ARNT: variants seen among roughly 807,000 people sequenced by gnomAD.
ARNT encodes the protein class E basic helix-loop-helix protein 2.
Under a neutral mutation model 105.0 loss-of-function variants are expected in ARNT, and 30 were observed. The observed-to-expected ratio is 0.29, with a 90% CI of 0.21 to 0.39. The LOEUF is 0.39. ARNT is among the 10% of genes least tolerant of loss of function. The pLI, the probability that ARNT is intolerant of heterozygous loss-of-function variation, is 1.00. For synonymous variants in ARNT, 304 were observed against 344.0 expected, an observed-to-expected ratio of 0.88 and a Z score of 1.29; for missense variants, 748 against 978.7, an observed-to-expected ratio of 0.76 and a Z score of 3.15.
intron 13 of ARNT, among the ~76,000 whole-genome samples, chr1:150,824,414 A>AT (rs985515306): frequency 6.8e-6 from 1 of 147,178 alleles, no homozygotes. Flanking sequence ...CTTCAATCCT[A>AT]TTTTTTCCCC....
chr1:150,826,447 G>C, intron 13 of ARNT, 96 bp downstream of exon 13: 1 of 955,714 alleles, frequency 1.0e-6, no homozygotes, highest in South Asian at 1.5e-5. Context: ...ACATAAAACT[G>C]TAGTGCCTGC....
Position 150,816,288 on chromosome 1 carries a change from G to T in ARNT, c.1921C>A (p.Pro641Thr). The T allele has an allele frequency of 6.2e-7, 1 of 1,607,786 alleles. No individual in the cohort carries two copies. The highest frequency in any genetic ancestry group is 8.5e-7 in the Non-Finnish European group (1 of 1,178,194). ...PTQGATPTWTPTTRSGFSAQQ... is the reference protein window; with the variant it reads ...PTQGATPTWTTTTRSGFSAQQ... ...GCAGAAAAGCCTGAGCGGGTAGTAG[G>T]GGTCCAAGTTGGGGTTGCTCCTTGG... Residue 641 changes from proline to threonine, a missense_variant, in exon 19 of 22, where the codon CCT (proline) becomes ACT (threonine). Coordinates refer to ENST00000358595, the MANE Select transcript of ARNT (RefSeq NM_001668.4).
chr1:150,830,114 T>G, intron 10 of ARNT, 134 bp from the exon 11 acceptor site: 1 of 924,152 alleles, frequency 1.1e-6, no homozygotes, highest in South Asian at 1.6e-5. Context: ...ATCCCAACAC[T>G]TTGGGAAGCC....
In ARNT at chr1:150,818,740, C is replaced by T. The variant is rs587757973; in HGVS notation, c.1395-710G>A. On this transcript the variant is annotated intron_variant, in intron 14 of 21. Coordinates refer to ENST00000358595, the MANE Select transcript of ARNT (RefSeq NM_001668.4). The stretch of plus-strand genomic sequence containing the variant: ...CTCCAGCCTGGGTGACAGAGTGAGA[C>T]ACTGTCTCAATGAAACAAACAAACA... Among the ~76,000 whole-genome samples the T allele has an allele frequency of 1.0e-4, 11 of 105,606 alleles. 1 individual carries two copies. In the South Asian group the frequency reaches 4.1e-3, roughly 40 times the overall value. The allele number at this position is 105,606 out of a possible 152,430, so 69.3% of individuals were successfully genotyped here.
In ARNT at chr1:150,812,548, T is replaced by G. The variant is rs10305747; in HGVS notation, c.2281-438A>C. ...CAGGACTTGTGTAAATAGACCATTA[T>G]GGCTATAATCATTATGTTCTATTTC... On this transcript the variant is annotated intron_variant, in intron 21 of 21. Transcript: ENST00000358595. The G allele has an allele frequency of 3.2e-3, 497 of 155,060 alleles. 2 individuals are homozygous for G. Among genetic ancestry groups the G allele is most frequent in the Non-Finnish European group, 4.8e-3 (339 of 69,906 alleles). 9.6% of individuals were successfully genotyped at this position (155,060 alleles called of 1,614,324 possible). A position where few individuals can be genotyped will look rare whatever the true frequency, so the allele number is the denominator to read the frequency against.
chr1:150,813,901 C>A (rs1655275408), intron 20 of ARNT, among the ~76,000 whole-genome samples, 176 bp downstream of exon 20: 1 of 152,170 alleles, frequency 6.6e-6, no homozygotes, highest in African/African-American at 2.4e-5. Context: ...GCTGGTATTA[C>A]AGGCGTGAGC....
intron 2 of ARNT, among the ~76,000 whole-genome samples, chr1:150,857,043 T>A (rs1190996425): frequency 6.6e-6 from 1 of 152,144 alleles, no homozygotes; most frequent in African/African-American, 2.4e-5. Flanking sequence ...ATCTGAAAAA[T>A]CAAAAACAAA....
At chr1:150,870,166 T>C (rs1375549207) in intron 1 of ARNT, among the ~76,000 whole-genome samples, 1 of 152,202 alleles carries the variant, frequency 6.6e-6, no homozygotes, top group Non-Finnish European at 1.5e-5. Context: ...TTATTCACTC[T>C]CTGTGCCTTA....
chr1:150,870,698 G>A (rs1475083776), intron 1 of ARNT, among the ~76,000 whole-genome samples: 1 of 151,782 alleles, frequency 6.6e-6, no homozygotes, highest in Non-Finnish European at 1.5e-5. Context: ...TTGTACAGAT[G>A]GGGTTTCACC....
chr1:150,851,979 C>T (rs966674744), intron 3 of ARNT, among the ~76,000 whole-genome samples: 6 of 151,372 alleles, frequency 4.0e-5, no homozygotes, highest in African/African-American at 1.5e-4. Flanking sequence ...ACCCAGGAGG[C>T]GGAGGTTGCA....
At chr1:150,864,143 T>C (rs1318325672) in intron 1 of ARNT, among the ~76,000 whole-genome samples, 1 of 152,106 alleles carries the variant, frequency 6.6e-6, no homozygotes, top group East Asian at 1.9e-4. Context: ...TATAACTCAG[T>C]GGTAACTATT....
intron 6 of ARNT, among the ~76,000 whole-genome samples, chr1:150,838,628 T>A (rs932698738): frequency 2.0e-5 from 3 of 152,254 alleles, no homozygotes; most frequent in African/African-American, 7.2e-5. Flanking sequence ...ATTGGTGGCA[T>A]TAAGGGAATA....
intron 1 of ARNT, among the ~76,000 whole-genome samples, chr1:150,867,353 G>T (rs1422099705): frequency 1.3e-5 from 2 of 151,112 alleles, no homozygotes; most frequent in African/African-American, 4.9e-5. Flanking sequence ...AATACAGTGA[G>T]ACCTCATTTC....
At position 150,831,827 on chromosome 1, in the gene ARNT, G is replaced by T. The variant is rs770165634; in HGVS notation, c.946C>A (p.Pro316Thr). The T allele has an allele frequency of 1.9e-6, 3 of 1,605,812 alleles. No homozygotes were observed. The highest frequency in any genetic ancestry group is 1.1e-5 in the South Asian group (1 of 89,696). The change falls in exon 10 of 22, where the codon CCC (proline) becomes ACC (threonine). Residue 316 changes from proline (P) to threonine (T), a missense_variant. By Grantham distance (38) the Pro-to-Thr change is conservative. Around this residue, in one of 4 missense-constraint regions of ARNT, gnomAD observed 291 missense variants for 444.6 expected, o/e 0.65. Transcript: ENST00000358595. ...VHCTGYIKAWPPAGVSLPDDD... is the reference protein window; with the variant it reads ...VHCTGYIKAWTPAGVSLPDDD... ...TATTTCACTTTCTTACCTGCTGGGGGCCAGGCCTTGATGTAGCCTGTGCAG... is the reference window on the plus strand; with the variant it reads ...TATTTCACTTTCTTACCTGCTGGGGTCCAGGCCTTGATGTAGCCTGTGCAG...
At chr1:150,855,969 T>C (rs1271648599) in intron 2 of ARNT, among the ~76,000 whole-genome samples, 2 of 152,120 alleles carry the variant, frequency 1.3e-5, no homozygotes, top group Non-Finnish European at 2.9e-5. Flanking sequence ...TGTGTGCGTG[T>C]GTATTGCTTA....
In ARNT at chr1:150,876,573, C is replaced by T; in HGVS notation, c.-6G>A. 1 of 1,539,920 alleles carries T rather than the reference C, an allele frequency of 6.5e-7. No individual in the cohort carries two copies. The highest frequency in any genetic ancestry group is 8.7e-7 in the Non-Finnish European group (1 of 1,144,160). ...TTGGCAGTAGTCGCCGCCATGGCCGCAGATGCCACCGCCGCCGCGCCACCC... is the reference window on the plus strand; with the variant it reads ...TTGGCAGTAGTCGCCGCCATGGCCGTAGATGCCACCGCCGCCGCGCCACCC... On this transcript the variant is annotated 5_prime_UTR_variant, in exon 1 of 22. Transcript: ENST00000358595.
rs1654768068 is a variant in ARNT, at chr1:150,811,728, A to G, written c.*293T>C. The G allele has an allele frequency of 1.1e-5, 3 of 264,390 alleles. No homozygotes were observed. The South Asian group carries it at 5.0e-4, about 44-fold the overall frequency. 16.4% of individuals were successfully genotyped at this position (264,390 alleles called of 1,614,324 possible). A position where few individuals can be genotyped will look rare whatever the true frequency, so the allele number is the denominator to read the frequency against. On this transcript the variant is annotated 3_prime_UTR_variant, in exon 22 of 22. Transcript: ENST00000358595. ...TAACCTGCCTCTTGATCTCAGCACA[A>G]ATCAACACTATACAATTTCAGGTCA...
rs143635573 is a variant in ARNT, at chr1:150,848,092, T to C, written c.183-1785A>G. On this transcript the variant is annotated intron_variant, in intron 3 of 21. Transcript: ENST00000358595. ...AGATAAGTGTGTGTATGCTCACACA[T>C]ACACATTTATATACAATTCTATATA... Among the ~76,000 whole-genome samples, 794 of 152,302 alleles carry C rather than the reference T, an allele frequency of 5.2e-3. 9 individuals carry two copies. The highest frequency in any genetic ancestry group is 0.018 in the African/African-American group (752 of 41,562).
rs1655108602 is a variant in ARNT, at chr1:150,813,251, G to A, written c.2201C>T (p.Pro734Leu). Residue 734 changes from proline (P) to leucine (L), a missense_variant, in exon 21 of 22, where the codon CCT becomes CTT. This residue lies in a region of ARNT where 360 missense variants were observed against 411.9 expected (regional missense o/e 0.87). Coordinates refer to ENST00000358595, the MANE Select transcript of ARNT (RefSeq NM_001668.4). ...GVWPQWQGQQ[P>L]HHRSSSSEQH... ...CTCACTAGAACTTGAACGATGATGA[G>A]GCTGCTGGCCCTGCCACTGTGGCCA... 2 of 1,613,946 alleles carry A rather than the reference G, an allele frequency of 1.2e-6. No homozygotes were observed. The highest frequency in any genetic ancestry group is 1.7e-6 in the Non-Finnish European group (2 of 1,179,946).
Sources: gnomAD v4.1 joint callset for allele counts (sites outside exome capture counted in the v4.1 genomes callset) on GRCh38, gnomAD v4.1.1 for gene constraint, gnomAD v4.1.1 regional missense constraint, MANE v1.5 for transcripts, NCBI Gene and HGNC (gene_info 2026-07-23, HGNC 2026-07-21) for gene names.